Variants in AKT3 observed in about 807,000 individuals in gnomAD.
The protein encoded by AKT3 is AKT serine/threonine kinase 3.
Under a neutral mutation model 65.3 loss-of-function variants are expected in AKT3, and 15 were observed. The observed-to-expected ratio is 0.23, with a 90% confidence interval of 0.15 to 0.35. The LOEUF (loss-of-function observed/expected upper bound fraction) is 0.35, where lower values mean the gene tolerates loss of function less well. AKT3 is among the 10% of genes least tolerant of loss of function. The pLI is 1.00. For synonymous variants in AKT3, 206 were observed against 183.8 expected (o/e 1.12, Z -0.98); for missense variants, 243 against 576.5 (o/e 0.42, Z 5.92).
intron 8 of AKT3, among the ~76,000 whole-genome samples, chr1:243,599,925 T>C (rs1323006720): frequency 6.6e-6 from 1 of 152,060 alleles, no homozygotes; most frequent in Non-Finnish European, 1.5e-5. Context: ...AGAAATCCAA[T>C]ATATTTACAA....
At chr1:243,713,026 C>G (rs896009259) in intron 2 of AKT3, among the ~76,000 whole-genome samples, 1 of 152,152 alleles carries the variant, frequency 6.6e-6, no homozygotes, top group African/African-American at 2.4e-5. Context: ...CATTTAAGTT[C>G]AAAGTATTAT....
At position 243,759,106 on chromosome 1, in the gene AKT3, G is replaced by A. The variant is rs191385359; in HGVS notation, c.47-63390C>T. 2.8e-4 allele frequency among the ~76,000 whole-genome samples: 42 copies of A among 152,264 alleles called. No homozygotes were observed. In the East Asian group the frequency reaches 7.3e-3, roughly 27 times the overall value. ...AGGCAGGAGGATCACTTGGGTCCAG[G>A]AGTTCAAGACCAGCCTGGGCAAAAT... On this transcript the variant is annotated intron_variant, in intron 2 of 13. Transcript: ENST00000673466.
chr1:243,540,907 A>G (rs951353506), intron 12 of AKT3, among the ~76,000 whole-genome samples: 1 of 152,088 alleles, frequency 6.6e-6, no homozygotes, highest in African/African-American at 2.4e-5. Flanking sequence ...CTTGGAGGAG[A>G]GCACTTCAAA....
At chr1:243,516,964 G>A (rs927992058) in intron 12 of AKT3, among the ~76,000 whole-genome samples, 2 of 152,046 alleles carry the variant, frequency 1.3e-5, no homozygotes, top group Non-Finnish European at 2.9e-5. Context: ...ATATCTTTTA[G>A]TACTATAAAT....
chr1:243,557,143 A>C (rs564109827), intron 10 of AKT3, among the ~76,000 whole-genome samples: 2 of 152,146 alleles, frequency 1.3e-5, no homozygotes, highest in Non-Finnish European at 2.9e-5. Context: ...TGGATACAAT[A>C]ATGATGATTA....
downstream of AKT3, among the ~76,000 whole-genome samples, chr1:243,496,650 G>T (rs1288721415): frequency 6.6e-6 from 1 of 152,182 alleles, no homozygotes; most frequent in Non-Finnish European, 1.5e-5. Flanking sequence ...GGGGCGAGGG[G>T]TGCCACCATC....
rs763501788 is a variant in AKT3 at position 243,719,376 on chromosome 1, CTCA to C, written c.47-23663_47-23661del. Among the ~76,000 whole-genome samples, 99 of 152,246 alleles carry C rather than the reference CTCA, an allele frequency of 6.5e-4. 1 individual carries two copies. The highest frequency in any genetic ancestry group is 1.2e-3 in the Admixed American group (19 of 15,308). On this transcript the variant is annotated intron_variant, in intron 2 of 13. Coordinates refer to ENST00000673466, the MANE Select transcript of AKT3 (RefSeq NM_005465.7). ...CCAAATTGTTCTATCTTTTATTCAT[CTCA>C]TCGAGTTCCACACCAAGTCTTCCTC...
intron 2 of AKT3, among the ~76,000 whole-genome samples, chr1:243,803,724 A>G (rs573395547): frequency 1.3e-5 from 2 of 151,842 alleles, no homozygotes; most frequent in South Asian, 4.2e-4. Context: ...CAAAAATGTT[A>G]AAAGCCACTA....
intron 2 of AKT3, among the ~76,000 whole-genome samples, chr1:243,743,385 A>AT (rs1355438512): frequency 6.6e-6 from 1 of 152,112 alleles, no homozygotes; most frequent in African/African-American, 2.4e-5. Flanking sequence ...AAAACACTTC[A>AT]TTTTTTCTAG....
chr1:243,516,836 C>A (rs549747308), intron 12 of AKT3, among the ~76,000 whole-genome samples: 66 of 152,200 alleles, frequency 4.3e-4, no homozygotes, highest in Admixed American at 8.5e-4. Flanking sequence ...AACTCCTCTA[C>A]CTTGGCCTTC....
chr1:243,594,632 G>A (rs935759108), intron 8 of AKT3, among the ~76,000 whole-genome samples: 23 of 152,172 alleles, frequency 1.5e-4, no homozygotes, highest in Admixed American at 4.6e-4. Context: ...GGGTCTTGCT[G>A]TGTTGTCCAG....
chr1:243,495,286 T>A (rs561126230), downstream of AKT3, among the ~76,000 whole-genome samples: 3 of 152,312 alleles, frequency 2.0e-5, no homozygotes, highest in African/African-American at 7.2e-5. Context: ...CGAGATGCTG[T>A]CTTACGGAAC....
At chr1:243,769,812 T>G (rs982431850) in intron 2 of AKT3, among the ~76,000 whole-genome samples, 1 of 152,188 alleles carries the variant, frequency 6.6e-6, no homozygotes, top group Non-Finnish European at 1.5e-5. Flanking sequence ...ACATACAAGT[T>G]TTTTATTTTG....
chr1:243,528,444 T>C (rs187708840), intron 12 of AKT3, among the ~76,000 whole-genome samples: 17 of 152,282 alleles, frequency 1.1e-4, no homozygotes, highest in Admixed American at 1.0e-3. Flanking sequence ...CAGTACCTGG[T>C]AGGTCGTTTT....
intron 2 of AKT3, among the ~76,000 whole-genome samples, chr1:243,820,076 G>A (rs1235457291): frequency 3.3e-5 from 5 of 152,020 alleles, no homozygotes; most frequent in African/African-American, 9.7e-5. Context: ...ATGCCACCAC[G>A]CCCAGCTAAT....
At chr1:243,540,817 T>C (rs1243665154) in intron 12 of AKT3, among the ~76,000 whole-genome samples, 1 of 152,148 alleles carries the variant, frequency 6.6e-6, no homozygotes, top group Non-Finnish European at 1.5e-5. Flanking sequence ...ACTTTTAAAG[T>C]TATCAGGCCA....
intron 2 of AKT3, among the ~76,000 whole-genome samples, chr1:243,790,713 AG>A (rs1466651528): frequency 1.3e-5 from 2 of 152,276 alleles, no homozygotes; most frequent in Admixed American, 1.3e-4. Context: ...CATCATTTCT[AG>A]CTTTTCATTT....
chr1:243,843,645 G>A (rs1318529416), intron 1 of AKT3: 2 of 692,272 alleles, frequency 2.9e-6, no homozygotes, highest in Non-Finnish European at 3.6e-6. Flanking sequence ...AGAAGCAATT[G>A]TAAATTTTTT....
chr1:243,703,779 GAAAA>G (rs953486419), intron 2 of AKT3, among the ~76,000 whole-genome samples: 3 of 132,872 alleles, frequency 2.3e-5, no homozygotes, highest in African/African-American at 5.5e-5. Context: ...AAAAAAAAAA[GAAAA>G]AGAAAAATAT....
Sources: gnomAD v4.1 joint callset for allele counts (sites outside exome capture counted in the v4.1 genomes callset) on GRCh38, gnomAD v4.1.1 for gene constraint, MANE v1.5 for transcripts, NCBI Gene and HGNC (gene_info 2026-07-23, HGNC 2026-07-21) for gene names.